The following DENND5B variants were observed in gnomAD, a reference collection of about 807,000 sequenced individuals.
DENND5B encodes DENN domain-containing protein 5B.
A neutral mutation model predicts 140.6 loss-of-function variants in DENND5B; 34 were observed. That is an observed-to-expected ratio of 0.24 (90% CI 0.18 to 0.32). The LOEUF (loss-of-function observed/expected upper bound fraction) is 0.32. Ranked by LOEUF, DENND5B falls within the 10% of genes least tolerant of loss-of-function variation. The pLI is 1.00. For synonymous variants in DENND5B, 551 were observed against 562.1 expected (o/e 0.98, Z 0.28); for missense variants, 1,142 against 1,560.2 (o/e 0.73, Z 4.52).
At chr12:31,590,478 C>T in intron 1 of DENND5B, 4 of 460,396 alleles carry the variant, frequency 8.7e-6, no homozygotes, top group Non-Finnish European at 1.4e-5. Flanking sequence ...TTATTAATAA[C>T]CCAGCGCCTG....
At chr12:31,471,077 T>G (rs927536655) in intron 3 of DENND5B, among the ~76,000 whole-genome samples, 1 of 152,180 alleles carries the variant, frequency 6.6e-6, no homozygotes, top group Non-Finnish European at 1.5e-5. Context: ...AAAGCTAAAA[T>G]GAAATTTAAA....
intron 4 of DENND5B, among the ~76,000 whole-genome samples, chr12:31,456,781 G>C (rs1456556640): frequency 6.6e-6 from 1 of 152,188 alleles, no homozygotes; most frequent in Admixed American, 6.6e-5. Flanking sequence ...AGAGAGAGGA[G>C]AGCATTTAAA....
At chr12:31,453,292 G>A (rs1314407875) in intron 4 of DENND5B, among the ~76,000 whole-genome samples, 1 of 148,106 alleles carries the variant, frequency 6.8e-6, no homozygotes, top group Non-Finnish European at 1.5e-5. Context: ...TTGAGTAGAA[G>A]AGGTGACAGA....
intron 5 of DENND5B, among the ~76,000 whole-genome samples, chr12:31,449,568 G>A (rs1944416433): frequency 6.6e-6 from 1 of 151,860 alleles, no homozygotes; most frequent in Admixed American, 6.6e-5. Context: ...TAAGCCTTCT[G>A]GAATCCAACA....
At chr12:31,489,433 G>A (rs1178813559) in intron 2 of DENND5B, among the ~76,000 whole-genome samples, 2 of 152,112 alleles carry the variant, frequency 1.3e-5, no homozygotes, top group Non-Finnish European at 2.9e-5. Flanking sequence ...GAAACCAGCA[G>A]TTACCAAAAA....
chr12:31,426,475 ATCT>A, intron 8 of DENND5B, 51 bp from the exon 9 acceptor site: 1 of 1,566,228 alleles, frequency 6.4e-7, no homozygotes, highest in Non-Finnish European at 8.7e-7. Flanking sequence ...TATTCTTCTA[ATCT>A]TCTTAACCTT....
intron 2 of DENND5B, among the ~76,000 whole-genome samples, chr12:31,486,438 T>C (rs1434828454): frequency 6.6e-6 from 1 of 151,862 alleles, no homozygotes. Context: ...TGAAGTATTT[T>C]ATTTTAGCAG....
intron 1 of DENND5B, among the ~76,000 whole-genome samples, chr12:31,528,150 G>T (rs1422327282): frequency 6.6e-6 from 1 of 152,232 alleles, no homozygotes; most frequent in Non-Finnish European, 1.5e-5. Context: ...GAGGCCAGAA[G>T]TCAGAAATCA....
At chr12:31,441,895 C>T (rs11609909) in intron 7 of DENND5B, among the ~76,000 whole-genome samples, 1 of 151,254 alleles carries the variant, frequency 6.6e-6, no homozygotes, top group Non-Finnish European at 1.5e-5. Flanking sequence ...ATTGGCTAGG[C>T]TGGTCCTGAA....
At chr12:31,507,541 C>T (rs1947249061) in intron 1 of DENND5B, among the ~76,000 whole-genome samples, 1 of 152,090 alleles carries the variant, frequency 6.6e-6, no homozygotes, top group Non-Finnish European at 1.5e-5. Context: ...AATTCAAGAT[C>T]TAGAGTTCTC....
intron 7 of DENND5B, among the ~76,000 whole-genome samples, chr12:31,437,046 G>C (rs2137899373): frequency 6.6e-6 from 1 of 152,008 alleles, no homozygotes; most frequent in East Asian, 1.9e-4. Flanking sequence ...GAGTATTATA[G>C]TTACTTATCT....
chr12:31,556,604 G>A (rs1235340233), intron 1 of DENND5B, among the ~76,000 whole-genome samples: 1 of 152,228 alleles, frequency 6.6e-6, no homozygotes, highest in East Asian at 1.9e-4. Flanking sequence ...TAGGCTTGAG[G>A]TCAGGAGTTC....
intron 1 of DENND5B, among the ~76,000 whole-genome samples, chr12:31,537,234 T>C (rs1158845203): frequency 6.6e-6 from 1 of 152,054 alleles, no homozygotes; most frequent in East Asian, 1.9e-4. Context: ...GACTAAAAGA[T>C]AAATCAAAAA....
At chr12:31,410,862 C>T (rs567969639) in intron 13 of DENND5B, among the ~76,000 whole-genome samples, 29 of 152,220 alleles carry the variant, frequency 1.9e-4, no homozygotes, top group African/African-American at 7.0e-4. Flanking sequence ...TTATGGTACA[C>T]TGTTAAGCTA....
At chr12:31,449,495 TCAA>T (rs1366951364) in intron 5 of DENND5B, among the ~76,000 whole-genome samples, 2 of 152,148 alleles carry the variant, frequency 1.3e-5, no homozygotes, top group African/African-American at 4.8e-5. Context: ...AAATTTTAGG[TCAA>T]CAACGATTTG....
intron 11 of DENND5B, chr12:31,420,127 T>A (rs1483404116): frequency 1.1e-6 from 1 of 900,818 alleles, no homozygotes; most frequent in Non-Finnish European, 1.3e-6. Context: ...CGTTTTTATT[T>A]ATTATTATTA....
intron 1 of DENND5B, among the ~76,000 whole-genome samples, chr12:31,545,403 A>G (rs1948822406): frequency 6.6e-6 from 1 of 152,100 alleles, no homozygotes; most frequent in Non-Finnish European, 1.5e-5. Context: ...CCTCCATCTA[A>G]TAGTCCCCAG....
chr12:31,465,260 A>C (rs1055489178), intron 3 of DENND5B: 1 of 152,420 alleles, frequency 6.6e-6, no homozygotes, highest in Non-Finnish European at 1.5e-5. Flanking sequence ...ATGCCCTGCC[A>C]AGCACTGCCA....
intron 2 of DENND5B, 117 bp downstream of exon 2, chr12:31,495,693 T>C: frequency 1.1e-6 from 1 of 874,188 alleles, no homozygotes. Context: ...TCTTATAAAA[T>C]CACTTAAAGA....
Sources: gnomAD v4.1 joint callset for allele counts (sites outside exome capture counted in the v4.1 genomes callset) on GRCh38, gnomAD v4.1.1 for gene constraint, MANE v1.5 for transcripts, NCBI Gene and HGNC (gene_info 2026-07-23, HGNC 2026-07-21) for gene names.